ATP10A: variants seen among roughly 807,000 people sequenced by gnomAD.
ATP10A encodes the protein ATPase phospholipid transporting 10A (putative).
A neutral mutation model predicts 147.8 loss-of-function variants in ATP10A; 111 were observed. That is an observed-to-expected ratio of 0.75 (90% CI 0.64 to 0.88). The LOEUF is 0.88. Ranked by LOEUF, ATP10A falls within the 40% of genes least tolerant of loss-of-function variation. The pLI is 0.00. For missense variants in ATP10A, 1,927 were observed against 1,959.0 expected (o/e 0.98, Z 0.31); for synonymous variants, 875 against 841.6 (o/e 1.04, Z -0.69).
chr15:25,779,845 AAC>A (rs56111172), intron 2 of ATP10A, among the ~76,000 whole-genome samples: 7,199 of 147,304 alleles, frequency 0.049, 173 homozygotes, highest in Middle Eastern at 0.077. Context: ...AGAAGGTTAA[AAC>A]ACACACACAC....
In ATP10A at chr15:25,862,653, G is replaced by A. The variant is rs1298930750; in HGVS notation, c.444C>T (p.Phe148=). 1 of 1,579,152 alleles carries A rather than the reference G, an allele frequency of 6.3e-7. No individual in the cohort carries two copies. Among genetic ancestry groups the A allele is most frequent in the Non-Finnish European group, 8.6e-7 (1 of 1,160,730 alleles). Residue 148 remains phenylalanine (F), a synonymous_variant, in exon 1 of 21, where the codon TTC becomes TTT. Coordinates refer to ENST00000555815, the MANE Select transcript of ATP10A (RefSeq NM_024490.4). Reference sequence around the variant, plus strand: ...CGCCCGCCCGCCCAACTCACCTGCTGAAGACCAGGCAGCCCAGGTGGTTGA... The same window carrying A: ...CGCCCGCCCGCCCAACTCACCTGCTAAAGACCAGGCAGCCCAGGTGGTTGA... ...HKINHLGCLV[F]SREEKKYVNR...
intron 1 of ATP10A, among the ~76,000 whole-genome samples, chr15:25,803,804 G>A (rs1380513023): frequency 6.6e-6 from 1 of 152,222 alleles, no homozygotes; most frequent in Non-Finnish European, 1.5e-5. Flanking sequence ...GTGGGCCTCG[G>A]CTTCTCTGAG....
intron 1 of ATP10A, among the ~76,000 whole-genome samples, chr15:25,804,966 G>A (rs1164839409): frequency 3.3e-5 from 5 of 152,108 alleles, no homozygotes; most frequent in East Asian, 1.9e-4. Flanking sequence ...GAGGCTCTTC[G>A]TTTGGAAAAC....
At chr15:25,705,453 A>C (rs56410651) in intron 12 of ATP10A, among the ~76,000 whole-genome samples, 22,397 of 51,784 alleles carry the variant, frequency 0.43, 1,930 homozygotes, top group Admixed American at 0.52. Flanking sequence ...AAAAAAAAAA[A>C]CAAAAAAAAA....
chr15:25,717,093 A>G (rs1901867182), intron 8 of ATP10A, among the ~76,000 whole-genome samples, 169 bp from the exon 9 acceptor site: 1 of 152,232 alleles, frequency 6.6e-6, no homozygotes, highest in Admixed American at 6.5e-5. Flanking sequence ...TTTTAATTGC[A>G]CAAAATATAC....
At chr15:25,692,820 G>C (rs1042967421) in intron 14 of ATP10A, among the ~76,000 whole-genome samples, 3 of 152,136 alleles carry the variant, frequency 2.0e-5, no homozygotes, top group African/African-American at 4.8e-5. Flanking sequence ...TTTTGAGACA[G>C]GGTCTCACTC....
At chr15:25,815,599 A>C (rs560425838) in intron 1 of ATP10A, among the ~76,000 whole-genome samples, 1 of 63,782 alleles carries the variant, frequency 1.6e-5, no homozygotes, top group South Asian at 4.5e-4. Context: ...GAAACTTAAG[A>C]GTTCACCTCT....
chr15:25,727,943 A>C (rs1218743539), intron 3 of ATP10A, among the ~76,000 whole-genome samples: 1 of 152,174 alleles, frequency 6.6e-6, no homozygotes, highest in East Asian at 1.9e-4. Flanking sequence ...GCCCTGGGAC[A>C]GATATGGCCC....
Position 25,718,204 on chromosome 15 carries a change from T to C in ATP10A, c.1559A>G (p.His520Arg), listed in dbSNP as rs909609085. The C allele has an allele frequency of 7.4e-6, 12 of 1,613,058 alleles. No individual in the cohort carries two copies. Among genetic ancestry groups the C allele is most frequent in the Non-Finnish European group, 9.3e-6 (11 of 1,179,972 alleles). The change falls in exon 8 of 21, where the codon CAC becomes CGC. Residue 520 changes from histidine to arginine, a missense_variant. Coordinates refer to ENST00000555815, the MANE Select transcript of ATP10A (RefSeq NM_024490.4). ...EAKRASMLSK[H>R]TAFSSPMEKD... Reference sequence around the variant, plus strand: ...CACCATGGGGCTGCTGAAGGCCGTGTGCTTGGACAGCATGCTGGCCCTCTT... The same window carrying C: ...CACCATGGGGCTGCTGAAGGCCGTGCGCTTGGACAGCATGCTGGCCCTCTT...
At chr15:25,727,586 C>A in intron 3 of ATP10A, among the ~76,000 whole-genome samples, 1 of 152,182 alleles carries the variant, frequency 6.6e-6, no homozygotes, top group Middle Eastern at 3.2e-3. Context: ...CCCAACCGGC[C>A]AAGGAAGGCC....
intron 1 of ATP10A, among the ~76,000 whole-genome samples, chr15:25,783,518 C>T (rs1327828151): frequency 1.3e-5 from 2 of 152,044 alleles, no homozygotes; most frequent in South Asian, 2.1e-4. Flanking sequence ...AGGAAACCAT[C>T]GGCTGCCCTA....
intron 13 of ATP10A, among the ~76,000 whole-genome samples, chr15:25,695,628 C>CA (rs1285041094): frequency 6.6e-6 from 1 of 151,124 alleles, no homozygotes; most frequent in South Asian, 2.1e-4. Context: ...GACTCTGTCT[C>CA]AAAAAAAAGA....
intron 1 of ATP10A, among the ~76,000 whole-genome samples, chr15:25,784,300 G>T (rs1890060260): frequency 1.3e-5 from 2 of 152,194 alleles, no homozygotes; most frequent in South Asian, 2.1e-4. Flanking sequence ...GCAGTCCTGG[G>T]CCTCACCCTG....
In ATP10A at chr15:25,716,730, C is replaced by T; in HGVS notation, c.1776G>A (p.Lys592=). 2 of 1,575,044 alleles carry T rather than the reference C, an allele frequency of 1.3e-6. No homozygotes were observed. Among genetic ancestry groups the T allele is most frequent in the Non-Finnish European group, 1.7e-6 (2 of 1,158,738 alleles). The change falls in exon 9 of 21, where the codon AAG becomes AAA. Residue 592 remains lysine, a splice_region_variant and synonymous_variant. Transcript: ENST00000555815. ...VVTSPDQPRT[K]VRVRFELKSP... is the part of the protein sequence containing the mutation. ...AGCTCAGGGACCCTCCAGAACTTGC[C>T]TTTGTTCGTGGCTGATCCGGGGACG...
chr15:25,862,979 G>A lies in ATP10A; in HGVS notation c.118C>T (p.Pro40Ser). The A allele has an allele frequency of 6.9e-7, 1 of 1,445,816 alleles. No individual in the cohort carries two copies. The allele number at this position is 1,445,816 out of a possible 1,614,324, so 89.6% of individuals were successfully genotyped here. A position where few individuals can be genotyped will look rare whatever the true frequency, so the allele number is the denominator to read the frequency against. Reference protein sequence around the residue: ...NLLPPPGAEDPAAGAAKGERR... With the variant: ...NLLPPPGAEDSAAGAAKGERR... ...TCGCCCTTGGCCGCGCCAGCCGCAG[G>A]GTCCTCGGCGCCCGGGGGCGGCAGC... is the stretch of plus-strand genomic sequence containing the variant. The change falls in exon 1 of 21, where the codon CCT (proline) becomes TCT (serine). Residue 40 changes from proline to serine, a missense_variant. Transcript: ENST00000555815.
chr15:25,806,108 G>GT (rs996653156), intron 1 of ATP10A, among the ~76,000 whole-genome samples: 1 of 152,020 alleles, frequency 6.6e-6, no homozygotes, highest in African/African-American at 2.4e-5. Flanking sequence ...TATACATGTG[G>GT]TTTTTTTCTA....
chr15:25,702,495 T>C (rs753899), intron 12 of ATP10A, among the ~76,000 whole-genome samples: 13,694 of 152,236 alleles, frequency 0.09, 683 homozygotes, highest in South Asian at 0.11. Context: ...GATAAAAATA[T>C]AGTCTTAAAA....
intron 1 of ATP10A, among the ~76,000 whole-genome samples, chr15:25,845,574 C>G (rs1892987961): frequency 6.6e-6 from 1 of 152,138 alleles, no homozygotes; most frequent in Non-Finnish European, 1.5e-5. Context: ...GCACCCGACC[C>G]CACCCATGCT....
At chr15:25,706,206 C>T (rs1423107403) in intron 12 of ATP10A, among the ~76,000 whole-genome samples, 2 of 152,120 alleles carry the variant, frequency 1.3e-5, no homozygotes, top group African/African-American at 2.4e-5. Flanking sequence ...CCGCAGGGGC[C>T]GTTAACAACT....
Sources: allele counts gnomAD v4.1 joint callset (sites outside exome capture counted in the v4.1 genomes callset), GRCh38; gene constraint gnomAD v4.1.1; transcripts MANE v1.5; gene names NCBI Gene and HGNC (gene_info 2026-07-23, HGNC 2026-07-21).